The following GALNTL6 variants were observed in gnomAD, a reference collection of about 807,000 sequenced individuals.
GALNTL6 encodes the protein polypeptide N-acetylgalactosaminyltransferase-like 6.
A neutral mutation model predicts 73.7 loss-of-function variants in GALNTL6; 46 were observed. The observed-to-expected ratio is 0.62, with a 90% CI of 0.49 to 0.80. GALNTL6 has a LOEUF of 0.80. Among genes scored for constraint, GALNTL6 ranks in the 30% least tolerant of loss-of-function variants. The pLI, the probability that GALNTL6 is intolerant of heterozygous loss-of-function variation, is 0.00. For synonymous variants in GALNTL6, 259 were observed against 263.7 expected, an observed-to-expected ratio of 0.98 and a Z score of 0.17; for missense variants, 604 against 755.0, an observed-to-expected ratio of 0.80 and a Z score of 2.34.
chr4:172,051,373 G>C (rs755707162), intron 2 of GALNTL6, among the ~76,000 whole-genome samples: 1 of 152,112 alleles, frequency 6.6e-6, no homozygotes, highest in Non-Finnish European at 1.5e-5. Flanking sequence ...TTGATACCCA[G>C]GTCCTTGTCT....
At chr4:172,457,488 C>T (rs527285932) in intron 5 of GALNTL6, among the ~76,000 whole-genome samples, 1 of 152,102 alleles carries the variant, frequency 6.6e-6, no homozygotes, top group South Asian at 2.1e-4. Flanking sequence ...CAAAGACATA[C>T]GTAGGCTCAA....
intron 7 of GALNTL6, among the ~76,000 whole-genome samples, chr4:172,834,384 T>C (rs1461020276): frequency 1.3e-5 from 2 of 152,186 alleles, no homozygotes; most frequent in Admixed American, 1.3e-4. Context: ...TGGATGGCGT[T>C]GCCCATTACA....
At chr4:171,950,033 C>T (rs1358956889) in intron 2 of GALNTL6, among the ~76,000 whole-genome samples, 1 of 152,056 alleles carries the variant, frequency 6.6e-6, no homozygotes, top group Non-Finnish European at 1.5e-5. Context: ...AACAGAGTAC[C>T]AAAGATCTGA....
At chr4:172,937,026 G>A (rs1402294916) in intron 9 of GALNTL6, among the ~76,000 whole-genome samples, 2 of 151,952 alleles carry the variant, frequency 1.3e-5, no homozygotes, top group Non-Finnish European at 2.9e-5. Flanking sequence ...TAGGGCACCA[G>A]TTTAGCAGAG....
intron 3 of GALNTL6, among the ~76,000 whole-genome samples, chr4:172,253,311 A>G (rs1208676058): frequency 6.6e-6 from 1 of 151,962 alleles, no homozygotes; most frequent in East Asian, 1.9e-4. Context: ...GATGACTGGA[A>G]GAAGAGACAT....
chr4:172,930,712 C>T (rs1483344029), intron 8 of GALNTL6, among the ~76,000 whole-genome samples: 1 of 152,156 alleles, frequency 6.6e-6, no homozygotes, highest in African/African-American at 2.4e-5. Flanking sequence ...GACAGGGTCT[C>T]GCTCTGTTCC....
intron 6 of GALNTL6, among the ~76,000 whole-genome samples, chr4:172,812,698 G>A (rs986239432): frequency 2.0e-5 from 3 of 152,026 alleles, no homozygotes; most frequent in South Asian, 4.1e-4. Flanking sequence ...TTAAGCAGAG[G>A]TTGCATCTTG....
chr4:172,340,050 T>C (rs1006717751), intron 4 of GALNTL6, among the ~76,000 whole-genome samples: 2 of 152,216 alleles, frequency 1.3e-5, no homozygotes, highest in Non-Finnish European at 2.9e-5. Context: ...AGTCTCAAAA[T>C]TAAGTATCTT....
chr4:173,023,601 G>A (rs1753106478), intron 12 of GALNTL6, among the ~76,000 whole-genome samples: 1 of 151,986 alleles, frequency 6.6e-6, no homozygotes, highest in Admixed American at 6.6e-5. Flanking sequence ...AAGTTGCAGT[G>A]AGCCAAGATC....
At chr4:172,788,309 T>C (rs1388888951) in intron 5 of GALNTL6, among the ~76,000 whole-genome samples, 1 of 152,212 alleles carries the variant, frequency 6.6e-6, no homozygotes, top group Non-Finnish European at 1.5e-5. Flanking sequence ...AGGCTGCATG[T>C]TGCAGTGAGC....
chr4:172,081,764 C>G (rs191285956), intron 2 of GALNTL6, among the ~76,000 whole-genome samples: 4 of 152,214 alleles, frequency 2.6e-5, no homozygotes, highest in Non-Finnish European at 5.9e-5. Flanking sequence ...ATACAACAGC[C>G]ATACTACAGG....
At chr4:171,835,732 T>C (rs1411518293) in intron 2 of GALNTL6, among the ~76,000 whole-genome samples, 2 of 151,976 alleles carry the variant, frequency 1.3e-5, no homozygotes, top group East Asian at 1.9e-4. Context: ...TTGTTACAAG[T>C]ATATGTCTAC....
intron 5 of GALNTL6, among the ~76,000 whole-genome samples, chr4:172,771,171 T>C (rs1738740888): frequency 6.6e-6 from 1 of 152,214 alleles, no homozygotes; most frequent in Non-Finnish European, 1.5e-5. Context: ...TTTCCAAACA[T>C]ACTACATTTC....
At chr4:172,780,903 C>G (rs1001497766) in intron 5 of GALNTL6, among the ~76,000 whole-genome samples, 8 of 152,200 alleles carry the variant, frequency 5.3e-5, no homozygotes, top group African/African-American at 1.9e-4. Context: ...GCTGCTCACA[C>G]GAGAGGACAG....
intron 5 of GALNTL6, among the ~76,000 whole-genome samples, chr4:172,487,295 C>CTTCTTTCCTTCCTTCT (rs1554029530): frequency 0.011 from 913 of 81,518 alleles, 18 homozygotes; most frequent in Middle Eastern, 0.045. Flanking sequence ...TCCTTCTTTC[C>CTTCTTTCCTTCCTTCT]TTCTGTCTTT....
chr4:172,231,513 A>G (rs1309930638), intron 3 of GALNTL6, among the ~76,000 whole-genome samples: 2 of 152,180 alleles, frequency 1.3e-5, no homozygotes, highest in Non-Finnish European at 2.9e-5. Flanking sequence ...ATGGTCCATT[A>G]TACTCCACTG....
intron 12 of GALNTL6, among the ~76,000 whole-genome samples, chr4:173,026,100 A>T (rs1753219098): frequency 6.6e-6 from 1 of 152,226 alleles, no homozygotes; most frequent in African/African-American, 2.4e-5. Flanking sequence ...TTATTAGATT[A>T]TAGCATATGT....
chr4:171,959,724 T>C (rs1440646379), intron 2 of GALNTL6, among the ~76,000 whole-genome samples: 4 of 152,156 alleles, frequency 2.6e-5, no homozygotes, highest in Non-Finnish European at 5.9e-5. Context: ...CTGGATCCTA[T>C]AGAGCAATTG....
At chr4:172,284,465 A>G (rs547211994) in intron 3 of GALNTL6, among the ~76,000 whole-genome samples, 1 of 151,308 alleles carries the variant, frequency 6.6e-6, no homozygotes, top group Non-Finnish European at 1.5e-5. Context: ...TGAGTCTCCA[A>G]TGCTTATTAC....
Sources: allele counts gnomAD v4.1 joint callset (sites outside exome capture counted in the v4.1 genomes callset), GRCh38; gene constraint gnomAD v4.1.1; transcripts MANE v1.5; gene names NCBI Gene and HGNC (gene_info 2026-07-23, HGNC 2026-07-21).